TDRP: variants seen among roughly 807,000 people sequenced by gnomAD.
TDRP encodes the protein testis development related protein, also known as testis development-related protein.
In TDRP, 12 loss-of-function variants were observed where a neutral mutation model predicts 10.5. The observed-to-expected ratio is 1.15, with a 90% CI of 0.73 to 1.86. TDRP has a LOEUF of 1.86. Among genes scored for constraint, TDRP ranks in the 40% most tolerant of loss-of-function variants. The pLI, the probability that TDRP is intolerant of heterozygous loss-of-function variation, is 0.00. For synonymous variants in TDRP, 139 were observed against 95.4 expected (o/e 1.46, Z -2.67); for missense variants, 353 against 229.2 (o/e 1.54, Z -3.49).
At chr8:508,426 GAAACTTACAA>G (rs1480590147) in intron 1 of TDRP, among the ~76,000 whole-genome samples, 1 of 152,160 alleles carries the variant, frequency 6.6e-6, no homozygotes, top group African/African-American at 2.4e-5. Flanking sequence ...AAGGCCTCAG[GAAACTTACAA>G]AAATGGTGGA....
In TDRP at chr8:513,538, G is replaced by C. The variant is rs539099448; in HGVS notation, c.109-18941C>G. On this transcript the variant is annotated intron_variant, in intron 1 of 2. Coordinates refer to ENST00000324079, the MANE Select transcript of TDRP (RefSeq NM_001384899.1). ...AATGGGTGTCTATGAAAATATCTCA[G>C]CTAACACAACATACTAAATGGTTAA... Among the ~76,000 whole-genome samples the C allele has an allele frequency of 4.6e-5, 7 of 152,270 alleles. No individual in the cohort carries two copies. The South Asian group carries it at 1.0e-3, about 23-fold the overall frequency.
intron 1 of TDRP, among the ~76,000 whole-genome samples, chr8:544,396 G>A (rs1417780231): frequency 2.0e-5 from 3 of 152,078 alleles, no homozygotes; most frequent in Non-Finnish European, 4.4e-5. Flanking sequence ...CGGCAGCCCT[G>A]GCCAGTTAAG....
intron 1 of TDRP, among the ~76,000 whole-genome samples, chr8:499,048 G>T (rs796660070): frequency 8.5e-5 from 13 of 152,230 alleles, no homozygotes; most frequent in African/African-American, 3.1e-4. Flanking sequence ...CTTTACAGCA[G>T]TGTGTAAATG....
rs562214862 is a variant in TDRP, at chr8:512,463, T to C, written c.109-17866A>G. 3.0e-4 allele frequency among the ~76,000 whole-genome samples: 46 copies of C among 151,620 alleles called. No individual in the cohort carries two copies. The South Asian group carries it at 9.6e-3, about 32-fold the overall frequency. ...AATAAAAAAAAATCAGCAAAATTGA[T>C]AAATCTTGAAACTGACCAAGAAAAA... is the stretch of plus-strand genomic sequence containing the variant. On this transcript the variant is annotated intron_variant, in intron 1 of 2. Coordinates refer to ENST00000324079, the MANE Select transcript of TDRP (RefSeq NM_001384899.1).
chr8:532,196 G>A (rs1448085), intron 1 of TDRP, among the ~76,000 whole-genome samples: 74,851 of 151,990 alleles, frequency 0.49, 19,268 homozygotes, highest in Admixed American at 0.59. Flanking sequence ...AGAGGCAGCA[G>A]GACACATCCA....
At chr8:538,427 C>A (rs1039511326) in intron 1 of TDRP, among the ~76,000 whole-genome samples, 2 of 152,154 alleles carry the variant, frequency 1.3e-5, no homozygotes, top group Non-Finnish European at 2.9e-5. Context: ...CTCCTTTGTG[C>A]CCATGTGTCA....
chr8:506,410 G>A (rs911849922), intron 1 of TDRP, among the ~76,000 whole-genome samples: 4 of 152,152 alleles, frequency 2.6e-5, no homozygotes, highest in African/African-American at 9.7e-5. Context: ...TTTCATCCCA[G>A]GAGGAACTGG....
rs778959767 is a variant in TDRP, at chr8:492,431, G to A, written c.526C>T (p.His176Tyr). ...GCCTCCTCCGGGCTATCTGTCAGGT[G>A]GCCTTTACTCTGCCGTCGGATGCTC... is the stretch of plus-strand genomic sequence containing the variant. ...LVSIRRQSKGHLTDSPEEAE is the reference protein window; with the variant it reads ...LVSIRRQSKGYLTDSPEEAE Residue 176 changes from histidine to tyrosine, a missense_variant, in exon 3 of 3, where the codon CAC becomes TAC. Transcript: ENST00000324079. 16 of 1,578,004 alleles carry A rather than the reference G, an allele frequency of 1.0e-5. No individual in the cohort carries two copies. The East Asian group carries it at 3.4e-4, about 33-fold the overall frequency.
rs540340173 is a variant in TDRP at position 511,692 on chromosome 8, G to C, written c.109-17095C>G. On this transcript the variant is annotated intron_variant, in intron 1 of 2. Transcript: ENST00000324079. ...GTCTTCAGGACAGATCATATGCTAG[G>C]TGATAAAACAAACCTGGATATATTT... is the stretch of plus-strand genomic sequence containing the variant. 3.9e-5 allele frequency among the ~76,000 whole-genome samples: 6 copies of C among 152,284 alleles called. No homozygotes were observed. In the South Asian group the frequency reaches 1.2e-3, roughly 32 times the overall value.
chr8:509,713 A>G (rs1579917), intron 1 of TDRP, among the ~76,000 whole-genome samples: 107,390 of 152,004 alleles, frequency 0.71, 38,777 homozygotes, highest in African/African-American at 0.84. Flanking sequence ...TATTGTCTTG[A>G]TGATTAACAT....
chr8:501,214 A>T (rs1801289107), intron 1 of TDRP, among the ~76,000 whole-genome samples: 1 of 151,658 alleles, frequency 6.6e-6, no homozygotes, highest in African/African-American at 2.4e-5. Context: ...TCAAAAAAAC[A>T]AACAAACAAA....
chr8:523,686 G>A (rs1172011200), intron 1 of TDRP, among the ~76,000 whole-genome samples: 2 of 152,204 alleles, frequency 1.3e-5, no homozygotes, highest in Non-Finnish European at 2.9e-5. Context: ...TGGGGCAGTG[G>A]TAGCCAAGGG....
At position 509,596 on chromosome 8, in the gene TDRP, G is replaced by C. The variant is rs544928670; in HGVS notation, c.109-14999C>G. ...AAGAACCAGGCTACACATAGCAAGG[G>C]AGCCCTGGATCTGGCTCATCTGACC... On this transcript the variant is annotated intron_variant, in intron 1 of 2. Transcript: ENST00000324079. Among the ~76,000 whole-genome samples the C allele has an allele frequency of 7.9e-5, 12 of 152,242 alleles. 1 individual carries two copies. In the South Asian group the frequency reaches 2.5e-3, roughly 32 times the overall value.
At chr8:514,936 G>A (rs1029888944) in intron 1 of TDRP, among the ~76,000 whole-genome samples, 4 of 152,192 alleles carry the variant, frequency 2.6e-5, no homozygotes, top group Non-Finnish European at 2.9e-5. Flanking sequence ...GAAGGAATTG[G>A]ATCATGATGG....
chr8:544,716 G>T lies in TDRP; in HGVS notation c.42C>A (p.Pro14=). Residue 14 remains proline (P), a synonymous_variant, in exon 1 of 3, where the codon CCC becomes CCA. Transcript: ENST00000324079. ...CACGCAGGCCGTCCTCCTCCTCGGGGGGCTCGTCCAGCAGCACTCGGCCCC... is the reference window on the plus strand; with the variant it reads ...CACGCAGGCCGTCCTCCTCCTCGGGTGGCTCGTCCAGCAGCACTCGGCCCC... ...LGRGRVLLDE[P]PEEEDGLRGG... The T allele has an allele frequency of 8.0e-7, 1 of 1,245,506 alleles. No homozygotes were observed. 77.2% of individuals were successfully genotyped at this position (1,245,506 alleles called of 1,614,324 possible). A position where few individuals can be genotyped will look rare whatever the true frequency, so the allele number is the denominator to read the frequency against.
At chr8:509,493 G>C (rs913182990) in intron 1 of TDRP, among the ~76,000 whole-genome samples, 1 of 152,204 alleles carries the variant, frequency 6.6e-6, no homozygotes, top group African/African-American at 2.4e-5. Context: ...ATTGGGGCTT[G>C]CACACTCTGA....
At chr8:534,084 T>C (rs956234392) in intron 1 of TDRP, among the ~76,000 whole-genome samples, 1 of 152,156 alleles carries the variant, frequency 6.6e-6, no homozygotes, top group Non-Finnish European at 1.5e-5. Context: ...GTATCAGAAA[T>C]TTGTCATAAC....
Position 491,638 on chromosome 8 carries a change from C to T in TDRP, c.*761G>A. On this transcript the variant is annotated 3_prime_UTR_variant, in exon 3 of 3. Transcript: ENST00000324079. ...GACAATGTTTCCTAAATGAAATTAT[C>T]AACTGACTAAAATTGATCCATACTT... 6.5e-7 allele frequency: 1 copy of T among 1,531,796 alleles called. No homozygotes were observed. Among genetic ancestry groups the T allele is most frequent in the African/African-American group, 1.4e-5 (1 of 72,988 alleles). 94.9% of individuals were successfully genotyped at this position (1,531,796 alleles called of 1,614,324 possible). A position where few individuals can be genotyped will look rare whatever the true frequency, so the allele number is the denominator to read the frequency against.
Position 503,503 on chromosome 8 carries a change from A to G in TDRP, c.109-8906T>C, listed in dbSNP as rs540687497. On this transcript the variant is annotated intron_variant, in intron 1 of 2. Transcript: ENST00000324079. Reference sequence around the variant, plus strand: ...ATGCATCGGAACACGTGCCCACCTCAGCACACACCAACACGGAATCCAGAG... The same window carrying G: ...ATGCATCGGAACACGTGCCCACCTCGGCACACACCAACACGGAATCCAGAG... Among the ~76,000 whole-genome samples, 25 of 150,296 alleles carry G rather than the reference A, an allele frequency of 1.7e-4. No homozygotes were observed. The East Asian group carries it at 2.6e-3, about 16-fold the overall frequency.
Sources: gnomAD v4.1 joint callset for allele counts (sites outside exome capture counted in the v4.1 genomes callset) on GRCh38, gnomAD v4.1.1 for gene constraint, MANE v1.5 for transcripts, NCBI Gene and HGNC (gene_info 2026-07-23, HGNC 2026-07-21) for gene names.